SNX31: variants seen among roughly 807,000 people sequenced by gnomAD.
SNX31 encodes sorting nexin-31.
SNX31 carries 58 observed loss-of-function variants against 65.4 expected under a neutral mutation model. The ratio of observed to expected loss-of-function variants is 0.89; its 90% CI spans 0.72 to 1.10. SNX31 has a LOEUF of 1.10. Among genes scored for constraint, SNX31 ranks in the 50% least tolerant of loss-of-function variants. The pLI is 0.00. For synonymous variants in SNX31, 181 were observed against 190.1 expected (o/e 0.95, Z 0.39); for missense variants, 523 against 529.7 (o/e 0.99, Z 0.12).
chr8:100,591,348 C>G (rs1310327059), intron 10 of SNX31, among the ~76,000 whole-genome samples: 1 of 152,088 alleles, frequency 6.6e-6, no homozygotes, highest in Non-Finnish European at 1.5e-5. Context: ...GCAACTTCAT[C>G]AAGGCGGGCA....
intron 2 of SNX31, among the ~76,000 whole-genome samples, chr8:100,639,606 A>G (rs1407816653): frequency 4.6e-5 from 2 of 43,240 alleles, no homozygotes; most frequent in South Asian, 8.9e-4. Context: ...TAGTATGACC[A>G]CATGTTTAGT....
chr8:100,576,973 T>A lies in SNX31; in HGVS notation c.1227+46A>T. 6.8e-7 allele frequency: 1 copy of A among 1,461,896 alleles called. No homozygotes were observed. The highest frequency in any genetic ancestry group is 9.5e-7 in the Non-Finnish European group (1 of 1,052,106). The allele number at this position is 1,461,896 out of a possible 1,614,324, so 90.6% of individuals were successfully genotyped here. A position where few individuals can be genotyped will look rare whatever the true frequency, so the allele number is the denominator to read the frequency against. On this transcript the variant is annotated intron_variant, in intron 13 of 13. Transcript: ENST00000311812. This position sits in a 1 kb window ranked among gnomAD's most constrained non-coding sequence, Gnocchi z 4.8. ...TGGTTAAAGAGGAAAAAAGATCAGA[T>A]TTATCAAAATTATAATGTACCAATT...
intron 4 of SNX31, among the ~76,000 whole-genome samples, chr8:100,627,458 C>T (rs763398958): frequency 2.0e-5 from 3 of 152,196 alleles, no homozygotes; most frequent in South Asian, 4.1e-4. Context: ...CCCAAAAAGA[C>T]GACTGAACTA....
At chr8:100,605,845 A>G (rs1246120409) in intron 8 of SNX31, among the ~76,000 whole-genome samples, 1 of 152,240 alleles carries the variant, frequency 6.6e-6, no homozygotes, top group Non-Finnish European at 1.5e-5. Context: ...AGCAAAAGAC[A>G]TGCCATAAAG....
At position 100,573,911 on chromosome 8, in the gene SNX31, G is replaced by T; in HGVS notation, c.1277C>A (p.Ala426Asp). ...FLSRKSKIKI[A>D]KDDCVFGNIK... Reference sequence around the variant, plus strand: ...GTTCCCAAAAACGCAGTCATCTTTAGCTATCTTAATCTTGCTTTTTCTTGA... The same window carrying T: ...GTTCCCAAAAACGCAGTCATCTTTATCTATCTTAATCTTGCTTTTTCTTGA... Residue 426 changes from alanine to aspartate, a missense_variant, in exon 14 of 14, where the codon GCT becomes GAT. Coordinates refer to ENST00000311812, the MANE Select transcript of SNX31 (RefSeq NM_152628.4). 1 of 1,590,292 alleles carries T rather than the reference G, an allele frequency of 6.3e-7. No homozygotes were observed.
At chr8:100,599,606 C>A (rs79294102) in intron 9 of SNX31, among the ~76,000 whole-genome samples, 1 of 151,924 alleles carries the variant, frequency 6.6e-6, no homozygotes, top group African/African-American at 2.4e-5. Context: ...TTTTCTGTTA[C>A]GTATAAATGA....
intron 2 of SNX31, among the ~76,000 whole-genome samples, chr8:100,641,564 AAATATATAT>A (rs1317414774): frequency 3.0e-4 from 8 of 26,796 alleles, no homozygotes; most frequent in African/African-American, 2.3e-3. Flanking sequence ...AAAAAAAAAA[AAATATATAT>A]ATATATATAT....
At position 100,610,731 on chromosome 8, in the gene SNX31, T is replaced by A. The variant is rs190513842; in HGVS notation, c.611+1269A>T. 6.6e-6 allele frequency among the ~76,000 whole-genome samples: 1 copy of A among 152,342 alleles called. No homozygotes were observed. Among genetic ancestry groups the A allele is most frequent in the East Asian group, 1.9e-4 (1 of 5,188 alleles). On this transcript the variant is annotated intron_variant, in intron 7 of 13. Coordinates refer to ENST00000311812, the MANE Select transcript of SNX31 (RefSeq NM_152628.4). This position sits in a 1 kb window ranked among gnomAD's most constrained non-coding sequence, Gnocchi z 4.0. ...CTTCTCAGGGTTTCACATCTCAAGA[T>A]CTGGACCATTCCTCAGGATACTTCT...
chr8:100,637,301 A>C (rs1023404784), intron 2 of SNX31, among the ~76,000 whole-genome samples: 6 of 152,238 alleles, frequency 3.9e-5, no homozygotes, highest in African/African-American at 1.2e-4. Flanking sequence ...AAATAAGAGA[A>C]AGGAAACCAC....
intron 3 of SNX31, among the ~76,000 whole-genome samples, chr8:100,632,928 T>C (rs529573775): frequency 3.9e-5 from 6 of 151,916 alleles, no homozygotes; most frequent in East Asian, 2.0e-4. Flanking sequence ...GTTTGCTGAC[T>C]TTATTTTATT....
intron 9 of SNX31, 29 bp from the exon 10 acceptor site, chr8:100,596,871 G>C: frequency 6.2e-7 from 1 of 1,604,520 alleles, no homozygotes; most frequent in South Asian, 1.1e-5. Flanking sequence ...TGTGGGGGGA[G>C]GGGAGGCAAG....
chr8:100,596,475 C>G (rs985546971), intron 10 of SNX31, among the ~76,000 whole-genome samples, 164 bp downstream of exon 10: 2 of 152,158 alleles, frequency 1.3e-5, no homozygotes, highest in Non-Finnish European at 2.9e-5. Flanking sequence ...GTGCATCAGA[C>G]TACAGATAGG....
At chr8:100,602,301 T>A (rs1022884333) in intron 8 of SNX31, among the ~76,000 whole-genome samples, 2 of 152,174 alleles carry the variant, frequency 1.3e-5, no homozygotes, top group African/African-American at 4.8e-5. Context: ...ATATTGCTGT[T>A]TAGGCTGGGG....
rs532024545 is a variant in SNX31 at position 100,600,389 on chromosome 8, T to C, written c.734A>G (p.Gln245Arg). The change falls in exon 9 of 14, where the codon CAG becomes CGG. Residue 245 changes from glutamine to arginine, a missense_variant. Transcript: ENST00000311812. ...TTCTTTCTGGAAAGCTTCTAATTTCTGCCTCTGTGCCTGTGTGGGTTTGGC... is the reference window on the plus strand; with the variant it reads ...TTCTTTCTGGAAAGCTTCTAATTTCCGCCTCTGTGCCTGTGTGGGTTTGGC... ...GWAKPTQAQR[Q>R]KLEAFQKEDS... 11 of 1,613,904 alleles carry C rather than the reference T, an allele frequency of 6.8e-6. No individual in the cohort carries two copies. Among genetic ancestry groups the C allele is most frequent in the South Asian group, 3.3e-5 (3 of 91,068 alleles).
chr8:100,586,866 T>A (rs993981812), intron 11 of SNX31, among the ~76,000 whole-genome samples: 3 of 152,254 alleles, frequency 2.0e-5, no homozygotes, highest in African/African-American at 7.2e-5. Context: ...TTTACTATTT[T>A]GATTCCATTT....
chr8:100,581,676 C>T (rs931517617), intron 12 of SNX31, among the ~76,000 whole-genome samples: 1 of 152,062 alleles, frequency 6.6e-6, no homozygotes, highest in African/African-American at 2.4e-5. Flanking sequence ...TCGGAACCTG[C>T]CCTGCAAAAT....
Position 100,617,640 on chromosome 8 carries a change from T to C in SNX31, c.412A>G (p.Thr138Ala), listed in dbSNP as rs1348877515. The change falls in exon 5 of 14, where the codon ACT (threonine) becomes GCT (alanine). Residue 138 changes from threonine to alanine, a missense_variant. Physicochemically the swap from Thr to Ala is moderately conservative, Grantham distance 58. Coordinates refer to ENST00000311812, the MANE Select transcript of SNX31 (RefSeq NM_152628.4). ...CTTACCTCTAGGACTCTTTCAGCAG[T>C]GTCTGATGTTATAATTTCGATTCTA... ...SIRIEIITSD[T>A]AERVLEVVSH... 4 of 1,611,088 alleles carry C rather than the reference T, an allele frequency of 2.5e-6. No individual in the cohort carries two copies. The highest frequency in any genetic ancestry group is 3.4e-6 in the Non-Finnish European group (4 of 1,177,500).
chr8:100,643,999 G>A (rs776938457), intron 2 of SNX31, among the ~76,000 whole-genome samples: 6 of 152,156 alleles, frequency 3.9e-5, no homozygotes, highest in Admixed American at 1.3e-4. Flanking sequence ...TTTGAGAAAC[G>A]ATTGCTCCCT....
At chr8:100,634,846 A>T (rs1818644280) in intron 3 of SNX31, among the ~76,000 whole-genome samples, 1 of 151,904 alleles carries the variant, frequency 6.6e-6, no homozygotes, top group African/African-American at 2.4e-5. Flanking sequence ...GCTTGAGGCC[A>T]GGAGTTTGAG....
Sources: allele counts gnomAD v4.1 joint callset (sites outside exome capture counted in the v4.1 genomes callset), GRCh38; gene constraint gnomAD v4.1.1; non-coding constraint Gnocchi (gnomAD v3.1); transcripts MANE v1.5; gene names NCBI Gene and HGNC (gene_info 2026-07-23, HGNC 2026-07-21).